The following RBM20 variants were observed in gnomAD, a reference collection of about 807,000 sequenced individuals.
The protein encoded by RBM20 is RNA-binding protein 20.
A neutral mutation model predicts 110.1 loss-of-function variants in RBM20; 51 were observed. That is an observed-to-expected ratio of 0.46 (90% confidence interval 0.37 to 0.59). RBM20 has a LOEUF of 0.59. Among genes scored for constraint, RBM20 ranks in the 20% least tolerant of loss-of-function variants. RBM20 has a pLI of 0.00. For synonymous variants in RBM20, 589 were observed against 618.2 expected (o/e 0.95, Z 0.70); for missense variants, 1,512 against 1,574.9 (o/e 0.96, Z 0.68).
At chr10:110,806,351 A>G (rs1316643298) in intron 7 of RBM20, among the ~76,000 whole-genome samples, 1 of 152,186 alleles carries the variant, frequency 6.6e-6, no homozygotes, top group African/African-American at 2.4e-5. Flanking sequence ...CAGGCTGCAT[A>G]GGAAACATGG....
chr10:110,805,636 G>A (rs1383174222), intron 7 of RBM20, among the ~76,000 whole-genome samples: 3 of 152,200 alleles, frequency 2.0e-5, no homozygotes, highest in Non-Finnish European at 4.4e-5. Flanking sequence ...GTTTCCCATC[G>A]GCAATAAGCC....
At chr10:110,756,048 A>G (rs1387567440) in intron 1 of RBM20, among the ~76,000 whole-genome samples, 2 of 152,222 alleles carry the variant, frequency 1.3e-5, no homozygotes, top group African/African-American at 4.8e-5. Flanking sequence ...TGACAATGAC[A>G]GCGGATTCCT....
At chr10:110,725,990 A>G (rs1481112857) in intron 1 of RBM20, among the ~76,000 whole-genome samples, 1 of 140,780 alleles carries the variant, frequency 7.1e-6, no homozygotes, top group Non-Finnish European at 1.5e-5. Flanking sequence ...GATGGACCCC[A>G]TCCCCATCTT....
chr10:110,734,004 T>C (rs11195289), intron 1 of RBM20, among the ~76,000 whole-genome samples: 22,178 of 152,164 alleles, frequency 0.15, 2,160 homozygotes, highest in East Asian at 0.27. Context: ...ATCCATTAGA[T>C]GCATTTCTTC....
intron 1 of RBM20, among the ~76,000 whole-genome samples, chr10:110,679,816 G>T (rs1160103581): frequency 6.6e-6 from 1 of 152,178 alleles, no homozygotes; most frequent in African/African-American, 2.4e-5. Flanking sequence ...ATGGACTGGG[G>T]CACATGCAGA....
At chr10:110,770,458 C>T (rs1844172044) in intron 1 of RBM20, among the ~76,000 whole-genome samples, 2 of 152,142 alleles carry the variant, frequency 1.3e-5, no homozygotes, top group Non-Finnish European at 2.9e-5. Context: ...AAACTAAGGT[C>T]GATAGGGTGA....
At chr10:110,674,489 C>T (rs1186163013) in intron 1 of RBM20, among the ~76,000 whole-genome samples, 1 of 152,200 alleles carries the variant, frequency 6.6e-6, no homozygotes, top group Non-Finnish European at 1.5e-5. Flanking sequence ...GATGAGCAGA[C>T]TTGAATTACA....
At chr10:110,684,181 G>C (rs1345823032) in intron 1 of RBM20, among the ~76,000 whole-genome samples, 1 of 152,160 alleles carries the variant, frequency 6.6e-6, no homozygotes, top group Non-Finnish European at 1.5e-5. Context: ...GATCGCCTGA[G>C]GTCAGGAGTT....
At chr10:110,709,895 G>C (rs1862899419) in intron 1 of RBM20, among the ~76,000 whole-genome samples, 1 of 152,044 alleles carries the variant, frequency 6.6e-6, no homozygotes, top group Non-Finnish European at 1.5e-5. Flanking sequence ...AAATCATAAA[G>C]TTCAACTAAA....
intron 1 of RBM20, among the ~76,000 whole-genome samples, chr10:110,651,066 A>G (rs1327680693): frequency 4.6e-5 from 7 of 152,300 alleles, no homozygotes; most frequent in Middle Eastern, 6.8e-3. Flanking sequence ...AACCTTTCTA[A>G]TCTAGCCTCT....
intron 1 of RBM20, among the ~76,000 whole-genome samples, chr10:110,725,778 G>A (rs2086611080): frequency 6.6e-6 from 1 of 152,236 alleles, no homozygotes; most frequent in Non-Finnish European, 1.5e-5. Context: ...TGTTGCTCTT[G>A]TAAAACCAAT....
At chr10:110,699,110 C>T (rs1564818792) in intron 1 of RBM20, among the ~76,000 whole-genome samples, 1 of 152,174 alleles carries the variant, frequency 6.6e-6, no homozygotes, top group African/African-American at 2.4e-5. Context: ...GTCGTTCACA[C>T]GTCTGCGCCA....
intron 1 of RBM20, among the ~76,000 whole-genome samples, chr10:110,779,865 A>G (rs1231674208): frequency 6.6e-6 from 1 of 152,238 alleles, no homozygotes; most frequent in African/African-American, 2.4e-5. Context: ...ATGTGAAATG[A>G]GGACAAGGAT....
chr10:110,760,231 C>A (rs775300047), intron 1 of RBM20, among the ~76,000 whole-genome samples: 1 of 152,120 alleles, frequency 6.6e-6, no homozygotes, highest in Non-Finnish European at 1.5e-5. Context: ...CATGTGTAAA[C>A]GTGGCAGTGC....
chr10:110,744,761 G>A, intron 1 of RBM20, among the ~76,000 whole-genome samples: 1 of 152,182 alleles, frequency 6.6e-6, no homozygotes, highest in South Asian at 2.1e-4. Context: ...ATGTACACTT[G>A]TACCAAGAAG....
chr10:110,751,561 T>C (rs1843853927), intron 1 of RBM20, among the ~76,000 whole-genome samples: 1 of 152,218 alleles, frequency 6.6e-6, no homozygotes, highest in South Asian at 2.1e-4. Flanking sequence ...CTCTATAATC[T>C]GTAACCAAAT....
At chr10:110,725,225 G>A (rs1843548464) in intron 1 of RBM20, among the ~76,000 whole-genome samples, 2 of 152,166 alleles carry the variant, frequency 1.3e-5, no homozygotes, top group Admixed American at 6.5e-5. Context: ...CCCTTTCAAA[G>A]GCTGATGAAA....
intron 1 of RBM20, among the ~76,000 whole-genome samples, chr10:110,767,071 G>A (rs1420271477): frequency 2.3e-5 from 2 of 88,384 alleles, no homozygotes; most frequent in East Asian, 4.0e-4. Context: ...GCGGCTGGCC[G>A]GGCGGGGGGT....
At chr10:110,723,890 A>G (rs1294403147) in intron 1 of RBM20, among the ~76,000 whole-genome samples, 3 of 152,154 alleles carry the variant, frequency 2.0e-5, no homozygotes, top group African/African-American at 7.2e-5. Context: ...GAAATTCCTT[A>G]AGTGTTGGGC....
Sources: gnomAD v4.1 joint callset for allele counts (sites outside exome capture counted in the v4.1 genomes callset) on GRCh38, gnomAD v4.1.1 for gene constraint, MANE v1.5 for transcripts, NCBI Gene and HGNC (gene_info 2026-07-23, HGNC 2026-07-21) for gene names.